OSBPL10: variants seen among roughly 807,000 people sequenced by gnomAD.
OSBPL10 encodes oxysterol-binding protein-related protein 10.
A neutral mutation model predicts 81.7 loss-of-function variants in OSBPL10; 49 were observed. The ratio of observed to expected loss-of-function variants is 0.60; its 90% CI spans 0.48 to 0.76. The LOEUF is 0.76. Among genes scored for constraint, OSBPL10 ranks in the 30% least tolerant of loss-of-function variants. The probability of loss-of-function intolerance (pLI) is 0.00; values close to 1 mark genes in which losing one functional copy is unlikely to be tolerated. For synonymous variants in OSBPL10, 419 were observed against 383.6 expected (o/e 1.09, Z -1.08); for missense variants, 923 against 987.8 (o/e 0.93, Z 0.88).
chr3:31,766,021 G>T (rs6779621), intron 4 of OSBPL10, among the ~76,000 whole-genome samples: 106,471 of 152,048 alleles, frequency 0.7, 38,272 homozygotes, highest in East Asian at 0.81. Flanking sequence ...CTCTATGGTC[G>T]CTGGTTTTCA....
chr3:32,072,802 G>A (rs1699841487), intron 1 of OSBPL10, among the ~76,000 whole-genome samples: 1 of 152,112 alleles, frequency 6.6e-6, no homozygotes. Flanking sequence ...ACTTTCACTG[G>A]ATAGGTAGAG....
At position 31,661,959 on chromosome 3, in the gene OSBPL10, T is replaced by G. The variant is rs982283249; in HGVS notation, c.*113A>C. The G allele has an allele frequency of 2.8e-6, 4 of 1,420,798 alleles. No individual in the cohort carries two copies. The highest frequency in any genetic ancestry group is 2.9e-5 in the African/African-American group (2 of 69,724). The allele number at this position is 1,420,798 out of a possible 1,614,324, so 88.0% of individuals were successfully genotyped here. ...TATAATTTCTCTCTCTCTCATCATT[T>G]CTTGGATGCTAATACAAGGTCTCAG... On this transcript the variant is annotated 3_prime_UTR_variant, in exon 12 of 12. Coordinates refer to ENST00000396556, the MANE Select transcript of OSBPL10 (RefSeq NM_017784.5).
chr3:31,954,065 TCAA>T (rs1182933456), intron 1 of OSBPL10, among the ~76,000 whole-genome samples: 1 of 152,218 alleles, frequency 6.6e-6, no homozygotes, highest in Non-Finnish European at 1.5e-5. Flanking sequence ...GTCAAAATCC[TCAA>T]CAACAAAAAT....
At chr3:31,708,833 G>C in intron 6 of OSBPL10, 1 of 985,404 alleles carries the variant, frequency 1.0e-6, no homozygotes, top group Non-Finnish European at 1.2e-6. Context: ...TCAGCTGAAA[G>C]GGTGGATGTT....
intron 6 of OSBPL10, among the ~76,000 whole-genome samples, chr3:31,712,432 T>C (rs189823114): frequency 1.5e-3 from 224 of 152,318 alleles, no homozygotes; most frequent in African/African-American, 5.4e-3. Context: ...GAGATTAACC[T>C]GGATTGCTGA....
chr3:31,992,362 T>C (rs540714516), intron 2 of OSBPL10, among the ~76,000 whole-genome samples: 2 of 152,314 alleles, frequency 1.3e-5, no homozygotes, highest in Admixed American at 1.3e-4. Context: ...TATAAAACAA[T>C]ACAACTTGAT....
intron 7 of OSBPL10, among the ~76,000 whole-genome samples, chr3:31,691,723 A>G (rs1695559082): frequency 6.6e-6 from 1 of 152,010 alleles, no homozygotes; most frequent in African/African-American, 2.4e-5. Context: ...CTCTTTAAAG[A>G]AAGAGAAAAG....
chr3:31,960,355 T>C (rs1698125070), intron 1 of OSBPL10: 1 of 152,178 alleles, frequency 6.6e-6, no homozygotes, highest in Non-Finnish European at 1.5e-5. Context: ...CGTTCAGTAA[T>C]ACAATGTGAA....
At chr3:31,837,322 TA>T (rs1267344170) in intron 3 of OSBPL10, among the ~76,000 whole-genome samples, 18 of 2,836 alleles carry the variant, frequency 6.3e-3, no homozygotes, top group African/African-American at 0.019. Context: ...ATCCCCAAAT[TA>T]TATATATATA....
intron 6 of OSBPL10, chr3:31,713,824 A>T (rs1404189431): frequency 1.3e-5 from 2 of 152,320 alleles, no homozygotes; most frequent in Non-Finnish European, 2.9e-5. Flanking sequence ...TGCAGCACTG[A>T]TCACTCTCAA....
In OSBPL10 at chr3:31,830,169, C is replaced by T. The variant is rs763721350; in HGVS notation, c.600G>A (p.Ala200=). Residue 200 remains alanine (A), a synonymous_variant, in exon 4 of 12, where the codon GCG becomes GCA. Transcript: ENST00000396556. The part of the protein sequence containing the change: ...TLLPHGTPNS[A]SPCSQRHLSV... ...TGAGGTGTCTCTGGCTACAGGGAGA[C>T]GCAGAATTGGGTGTTCCATGTGGGA... is the stretch of plus-strand genomic sequence containing the variant. 1.9e-5 allele frequency: 30 copies of T among 1,614,006 alleles called. No individual in the cohort carries two copies. Among genetic ancestry groups the T allele is most frequent in the Middle Eastern group, 1.6e-4 (1 of 6,084 alleles).
chr3:31,927,046 G>C (rs1427753254), intron 1 of OSBPL10, among the ~76,000 whole-genome samples: 1 of 152,178 alleles, frequency 6.6e-6, no homozygotes, highest in Admixed American at 6.5e-5. Context: ...AAGAGGTAGA[G>C]GTTGCAGTGA....
intron 7 of OSBPL10, among the ~76,000 whole-genome samples, chr3:31,697,499 T>C (rs1559420852): frequency 6.6e-6 from 1 of 152,208 alleles, no homozygotes; most frequent in Non-Finnish European, 1.5e-5. Flanking sequence ...TAATTATTAT[T>C]CTAGCTGTTC....
chr3:32,074,924 C>A (rs999865677), intron 1 of OSBPL10, among the ~76,000 whole-genome samples: 1 of 152,194 alleles, frequency 6.6e-6, no homozygotes, highest in African/African-American at 2.4e-5. Context: ...ACTGGACAAG[C>A]ACATGTACTC....
intron 2 of OSBPL10, among the ~76,000 whole-genome samples, chr3:32,002,754 G>T (rs1381347869): frequency 6.6e-6 from 1 of 152,220 alleles, no homozygotes; most frequent in African/African-American, 2.4e-5. Flanking sequence ...CAAGAAGGGG[G>T]TTGTTGTGAC....
intron 1 of OSBPL10, among the ~76,000 whole-genome samples, chr3:31,962,247 G>C (rs746587090): frequency 1.3e-5 from 2 of 152,152 alleles, no homozygotes; most frequent in African/African-American, 2.4e-5. Flanking sequence ...GGGAGCCACC[G>C]CGCCTGGCCG....
At chr3:31,994,511 TG>T (rs1699068876) in intron 2 of OSBPL10, among the ~76,000 whole-genome samples, 1 of 151,842 alleles carries the variant, frequency 6.6e-6, no homozygotes, top group South Asian at 2.1e-4. Flanking sequence ...GATGGATGGA[TG>T]GATGGATGGA....
intron 1 of OSBPL10, among the ~76,000 whole-genome samples, chr3:31,895,280 C>G (rs1474587366): frequency 2.0e-5 from 3 of 151,436 alleles, no homozygotes; most frequent in East Asian, 3.9e-4. Context: ...TACAGGCACC[C>G]GTCACCACGC....
intron 1 of OSBPL10, among the ~76,000 whole-genome samples, chr3:32,057,305 G>A (rs1029064739): frequency 3.0e-4 from 45 of 151,678 alleles, no homozygotes; most frequent in Admixed American, 3.9e-4. Context: ...TTTTGCGTGA[G>A]GTTTAAGAAC....
Sources: gnomAD v4.1 joint callset for allele counts (sites outside exome capture counted in the v4.1 genomes callset) on GRCh38, gnomAD v4.1.1 for gene constraint, MANE v1.5 for transcripts, NCBI Gene and HGNC (gene_info 2026-07-23, HGNC 2026-07-21) for gene names.